Variants in ATP2A2 observed in about 807,000 individuals in gnomAD.
ATP2A2 encodes the protein sarcoplasmic/endoplasmic reticulum calcium ATPase 2.
ATP2A2 carries 14 observed loss-of-function variants against 109.3 expected under a neutral mutation model. That is an observed-to-expected ratio of 0.13 (90% CI 0.08 to 0.20). ATP2A2 has a LOEUF of 0.20. Among genes scored for constraint, ATP2A2 ranks in the 10% least tolerant of loss-of-function variants. ATP2A2 has a pLI of 1.00. For synonymous variants in ATP2A2, 506 were observed against 490.9 expected (o/e 1.03, Z -0.41); for missense variants, 657 against 1,321.6 (o/e 0.50, Z 7.80).
rs956786913 is a variant in ATP2A2 at position 110,350,436 on chromosome 12, C to T, written c.*3966C>T. 5 of 1,454,392 alleles carry T rather than the reference C, an allele frequency of 3.4e-6. No individual in the cohort carries two copies. The highest frequency in any genetic ancestry group is 4.8e-6 in the Non-Finnish European group (5 of 1,041,834). 90.1% of individuals were successfully genotyped at this position (1,454,392 alleles called of 1,614,324 possible). ...AAGAAAAGTAAAAAACTTCCCAACT[C>T]ACTTTGTGTTATGTGGAGGAAATGT... is the stretch of plus-strand genomic sequence containing the variant. On this transcript the variant is annotated 3_prime_UTR_variant, in exon 20 of 20. Coordinates refer to ENST00000539276, the MANE Select transcript of ATP2A2 (RefSeq NM_170665.4).
chr12:110,346,886 G>A lies in ATP2A2; in HGVS notation c.*416G>A. The stretch of plus-strand genomic sequence containing the variant: ...GCATGTATTGTGTCTTTTGCATGAT[G>A]ATCCGGATTTAATTTGATATCACAG... On this transcript the variant is annotated 3_prime_UTR_variant, in exon 20 of 20. Transcript: ENST00000539276. 5 of 1,090,294 alleles carry A rather than the reference G, an allele frequency of 4.6e-6. No homozygotes were observed. The highest frequency in any genetic ancestry group is 5.6e-6 in the Non-Finnish European group (5 of 894,006). 67.5% of individuals were successfully genotyped at this position (1,090,294 alleles called of 1,614,324 possible). A position where few individuals can be genotyped will look rare whatever the true frequency, so the allele number is the denominator to read the frequency against.
chr12:110,316,017 G>T (rs1169715457), intron 5 of ATP2A2, among the ~76,000 whole-genome samples: 1 of 152,170 alleles, frequency 6.6e-6, no homozygotes, highest in Non-Finnish European at 1.5e-5. Context: ...AACCTGGGAG[G>T]TGGAGGTTAC....
intron 7 of ATP2A2, among the ~76,000 whole-genome samples, 153 bp downstream of exon 7, chr12:110,326,628 A>G (rs1019808711): frequency 6.6e-6 from 1 of 152,238 alleles, no homozygotes; most frequent in African/African-American, 2.4e-5. Flanking sequence ...TGGCAGTAAC[A>G]TAACGTGTGA....
intron 5 of ATP2A2, among the ~76,000 whole-genome samples, chr12:110,301,467 T>C (rs1874632536): frequency 6.6e-6 from 1 of 151,970 alleles, no homozygotes; most frequent in African/African-American, 2.4e-5. Context: ...CTTGATTTTT[T>C]CCCCCCTCTT....
At chr12:110,285,361 C>CT (rs1460497183) in intron 3 of ATP2A2, among the ~76,000 whole-genome samples, 10 of 152,148 alleles carry the variant, frequency 6.6e-5, no homozygotes, top group Admixed American at 2.0e-4. Context: ...CTATCATTCA[C>CT]TTTATCTTTT....
At chr12:110,307,222 C>CTTTTTTTTT (rs113642254) in intron 5 of ATP2A2, among the ~76,000 whole-genome samples, 2 of 126,714 alleles carry the variant, frequency 1.6e-5, no homozygotes, top group Admixed American at 1.8e-4. Context: ...GCCCCACCAC[C>CTTTTTTTTT]TTTTTTTTTT....
In ATP2A2 at chr12:110,327,129, T is replaced by C. The variant is rs1220397373; in HGVS notation, c.631-424T>C. Among the ~76,000 whole-genome samples the C allele has an allele frequency of 2.0e-5, 3 of 152,230 alleles. No individual in the cohort carries two copies. The highest frequency in any genetic ancestry group is 4.4e-5 in the Non-Finnish European group (3 of 68,042). On this transcript the variant is annotated intron_variant, in intron 7 of 19. Coordinates refer to ENST00000539276, the MANE Select transcript of ATP2A2 (RefSeq NM_170665.4). The surrounding 1 kb of genome is among the most constrained non-coding windows in gnomAD (Gnocchi z 4.4). Reference sequence around the variant, plus strand: ...GCTCACATTTGATTTCTTTGGTTTTTGGACCCTGTCACATGAGTAGGGGTT... The same window carrying C: ...GCTCACATTTGATTTCTTTGGTTTTCGGACCCTGTCACATGAGTAGGGGTT...
At chr12:110,292,253 A>G (rs1340583808) in intron 4 of ATP2A2, 129 bp downstream of exon 4, 18 of 756,216 alleles carry the variant, frequency 2.4e-5, no homozygotes, top group Non-Finnish European at 3.7e-5. Flanking sequence ...GTTTACATGT[A>G]TTTTCCCTTT....
intron 4 of ATP2A2, among the ~76,000 whole-genome samples, chr12:110,293,276 A>C (rs375135949): frequency 4.6e-5 from 7 of 150,688 alleles, no homozygotes; most frequent in African/African-American, 1.7e-4. Flanking sequence ...GGGTTTCACC[A>C]TCAGGCTGGT....
At chr12:110,299,948 G>A (rs953338165) in intron 5 of ATP2A2, among the ~76,000 whole-genome samples, 15 of 151,944 alleles carry the variant, frequency 9.9e-5, no homozygotes, top group African/African-American at 3.1e-4. Flanking sequence ...TAGATGTGGG[G>A]TTTCTCCATG....
In ATP2A2 at chr12:110,342,189, A is replaced by G. The variant is rs1482532750; in HGVS notation, c.2098-39A>G. 2 of 1,610,984 alleles carry G rather than the reference A, an allele frequency of 1.2e-6. No individual in the cohort carries two copies. The highest frequency in any genetic ancestry group is 1.7e-6 in the Non-Finnish European group (2 of 1,177,210). The stretch of plus-strand genomic sequence containing the variant: ...TTTTGCCTAGGGGTATGAATGTGGC[A>G]TGCCAGTTGGCTGACCCAACCATTG... On this transcript the variant is annotated intron_variant, in intron 14 of 19. Coordinates refer to ENST00000539276, the MANE Select transcript of ATP2A2 (RefSeq NM_170665.4). This position sits in a 1 kb window ranked among gnomAD's most constrained non-coding sequence, Gnocchi z 4.6.
chr12:110,318,136 T>C (rs1472457351), intron 5 of ATP2A2, among the ~76,000 whole-genome samples: 1 of 152,202 alleles, frequency 6.6e-6, no homozygotes, highest in Non-Finnish European at 1.5e-5. Flanking sequence ...CTGCTCTTCA[T>C]GCACAAAATC....
Position 110,348,936 on chromosome 12 carries a change from A to AACTC in ATP2A2, c.*2468_*2471dup. On this transcript the variant is annotated 3_prime_UTR_variant, in exon 20 of 20. Transcript: ENST00000539276. The stretch of plus-strand genomic sequence containing the variant: ...CACTATTGCTATTCCGTGCAAACAA[A>AACTC]ACTCAGCTTTTCCTGACTCAGTTCC... 2 of 985,434 alleles carry AACTC rather than the reference A, an allele frequency of 2.0e-6. No individual in the cohort carries two copies. The highest frequency in any genetic ancestry group is 2.4e-6 in the Non-Finnish European group (2 of 829,946). The allele number at this position is 985,434 out of a possible 1,614,324, so 61.0% of individuals were successfully genotyped here.
intron 5 of ATP2A2, among the ~76,000 whole-genome samples, chr12:110,305,722 C>T (rs981908272): frequency 1.3e-5 from 2 of 151,948 alleles, no homozygotes; most frequent in South Asian, 2.1e-4. Context: ...GGGTTCCTTA[C>T]ATTTACATAT....
In ATP2A2 at chr12:110,344,984, C is replaced by T. The variant is rs778015320; in HGVS notation, c.2607+13C>T. 6.2e-7 allele frequency: 1 copy of T among 1,613,310 alleles called. No individual in the cohort carries two copies. Among genetic ancestry groups the T allele is most frequent in the South Asian group, 1.1e-5 (1 of 91,046 alleles). ...CTTCTACCAGCTGGTACTCAGTCAC[C>T]TTTCTTTCTGTACCTTACATGAGAA... On this transcript the variant is annotated intron_variant, in intron 17 of 19. Transcript: ENST00000539276.
chr12:110,345,571 C>A, intron 18 of ATP2A2, 189 bp downstream of exon 18: 6 of 902,198 alleles, frequency 6.7e-6, no homozygotes, highest in Non-Finnish European at 1.0e-5. Flanking sequence ...GAGTGCTTAG[C>A]CCTGTGTTTC....
At chr12:110,341,080 T>C (rs1213041722) in intron 14 of ATP2A2, 86 bp downstream of exon 14, 2 of 1,409,648 alleles carry the variant, frequency 1.4e-6, no homozygotes, top group Non-Finnish European at 2.0e-6. Flanking sequence ...TTTTTTGTCA[T>C]AGCTCCCTAA....
At chr12:110,345,209 T>C in intron 17 of ATP2A2, 40 bp from the exon 18 acceptor site, 1 of 1,614,040 alleles carries the variant, frequency 6.2e-7, no homozygotes, top group Non-Finnish European at 8.5e-7. Context: ...ACTTGGGAAA[T>C]ATACTGGGCT....
At position 110,348,866 on chromosome 12, in the gene ATP2A2, A is replaced by G. The variant is rs749896010; in HGVS notation, c.*2396A>G. 1 of 985,446 alleles carries G rather than the reference A, an allele frequency of 1.0e-6. No individual in the cohort carries two copies. The highest frequency in any genetic ancestry group is 1.2e-6 in the Non-Finnish European group (1 of 829,956). The allele number at this position is 985,446 out of a possible 1,614,324, so 61.0% of individuals were successfully genotyped here. A position where few individuals can be genotyped will look rare whatever the true frequency, so the allele number is the denominator to read the frequency against. On this transcript the variant is annotated 3_prime_UTR_variant, in exon 20 of 20. Coordinates refer to ENST00000539276, the MANE Select transcript of ATP2A2 (RefSeq NM_170665.4). ...AACAAGAAATGGGTTGAATGGGCCAAATGCAAGGAGTGCATCTCTGGGCTG... is the reference window on the plus strand; with the variant it reads ...AACAAGAAATGGGTTGAATGGGCCAGATGCAAGGAGTGCATCTCTGGGCTG...
Sources: allele counts gnomAD v4.1 joint callset (sites outside exome capture counted in the v4.1 genomes callset), GRCh38; gene constraint gnomAD v4.1.1; non-coding constraint Gnocchi (gnomAD v3.1); transcripts MANE v1.5; gene names NCBI Gene and HGNC (gene_info 2026-07-23, HGNC 2026-07-21).